RAPGEF2: variants seen among roughly 807,000 people sequenced by gnomAD.
RAPGEF2 encodes the protein PDZ domain containing guanine nucleotide exchange factor (GEF) 1.
A neutral mutation model predicts 186.7 loss-of-function variants in RAPGEF2; 54 were observed. The observed-to-expected ratio is 0.29, with a 90% CI of 0.23 to 0.36. The LOEUF is 0.36. RAPGEF2 is among the 10% of genes least tolerant of loss of function. The pLI is 1.00. For missense variants in RAPGEF2, 1,532 were observed against 2,045.0 expected, an observed-to-expected ratio of 0.75 and a Z score of 4.84; for synonymous variants, 712 against 705.9, an observed-to-expected ratio of 1.01 and a Z score of -0.14.
intron 1 of RAPGEF2, among the ~76,000 whole-genome samples, chr4:159,170,224 G>C (rs1052824881): frequency 1.3e-5 from 2 of 151,738 alleles, no homozygotes; most frequent in South Asian, 4.2e-4. Flanking sequence ...TGTCTATTCA[G>C]GTCCTTTTCC....
At chr4:159,347,091 A>C in intron 25 of RAPGEF2, 93 bp downstream of exon 25, 1 of 1,200,222 alleles carries the variant, frequency 8.3e-7, no homozygotes, top group Non-Finnish European at 1.2e-6. Context: ...AACTTTGTCT[A>C]ATATATTTGA....
intron 7 of RAPGEF2, among the ~76,000 whole-genome samples, chr4:159,300,454 ATATT>A (rs1269046897): frequency 2.0e-5 from 3 of 151,990 alleles, no homozygotes; most frequent in Admixed American, 6.5e-5. Context: ...ATTAAAATAA[ATATT>A]TAAGTGATAA....
intron 1 of RAPGEF2, among the ~76,000 whole-genome samples, chr4:159,140,728 G>A (rs76676004): frequency 0.021 from 3,124 of 151,860 alleles, 108 homozygotes; most frequent in African/African-American, 0.071. Context: ...GGGCCTGGGA[G>A]GACAGAATTT....
At chr4:159,125,712 T>C (rs1740218251) in intron 1 of RAPGEF2, among the ~76,000 whole-genome samples, 1 of 151,566 alleles carries the variant, frequency 6.6e-6, no homozygotes, top group Non-Finnish European at 1.5e-5. Flanking sequence ...GAGCTGAGAT[T>C]GCGGCACTGC....
intron 4 of RAPGEF2, among the ~76,000 whole-genome samples, chr4:159,232,492 TTGTG>T (rs1752757095): frequency 6.6e-6 from 1 of 152,196 alleles, no homozygotes; most frequent in South Asian, 2.1e-4. Context: ...TAATATTCCT[TTGTG>T]TGTGTATGCC....
chr4:159,228,803 A>G (rs1752310962), intron 4 of RAPGEF2, among the ~76,000 whole-genome samples: 1 of 152,200 alleles, frequency 6.6e-6, no homozygotes, highest in Non-Finnish European at 1.5e-5. Flanking sequence ...TTCTTAAACT[A>G]ATGAGTCAAC....
intron 24 of RAPGEF2, among the ~76,000 whole-genome samples, chr4:159,346,061 G>A (rs903081596): frequency 2.0e-5 from 3 of 152,182 alleles, no homozygotes; most frequent in African/African-American, 4.8e-5. Context: ...TCTGGAGTCA[G>A]AGTGGTCTGA....
intron 17 of RAPGEF2, among the ~76,000 whole-genome samples, chr4:159,333,517 A>G (rs1766985433): frequency 6.6e-6 from 1 of 152,220 alleles, no homozygotes; most frequent in Non-Finnish European, 1.5e-5. Context: ...AGCCAAGCAC[A>G]GAACTCCTTT....
At chr4:159,183,264 C>A (rs1374384384) in intron 1 of RAPGEF2, among the ~76,000 whole-genome samples, 1 of 152,082 alleles carries the variant, frequency 6.6e-6, no homozygotes, top group African/African-American at 2.4e-5. Flanking sequence ...AGAAAGAAAC[C>A]CTTTTATATG....
intron 1 of RAPGEF2, among the ~76,000 whole-genome samples, chr4:159,164,898 A>T (rs143028100): frequency 1.1e-3 from 166 of 152,300 alleles, no homozygotes; most frequent in African/African-American, 3.8e-3. Context: ...TGTTTTAAGA[A>T]AAATGAAGTT....
intron 1 of RAPGEF2, among the ~76,000 whole-genome samples, chr4:159,111,553 A>G (rs879256980): frequency 1.3e-5 from 2 of 152,228 alleles, no homozygotes; most frequent in South Asian, 2.1e-4. Context: ...GAAGAAAGGT[A>G]GAGAACACTG....
chr4:159,140,836 AAT>A (rs549770821), intron 1 of RAPGEF2, among the ~76,000 whole-genome samples: 6 of 151,236 alleles, frequency 4.0e-5, no homozygotes, highest in African/African-American at 7.3e-5. Flanking sequence ...AAAAAAAAAA[AAT>A]TTTTTTTTTT....
At chr4:159,175,334 T>C (rs182843997) in intron 1 of RAPGEF2, among the ~76,000 whole-genome samples, 97 of 152,316 alleles carry the variant, frequency 6.4e-4, no homozygotes, top group African/African-American at 2.2e-3. Flanking sequence ...CTATGGATTT[T>C]TTTTCTTACA....
intron 7 of RAPGEF2, among the ~76,000 whole-genome samples, chr4:159,291,452 C>T (rs1434648493): frequency 6.6e-6 from 1 of 152,074 alleles, no homozygotes. Flanking sequence ...TGTGTCATCA[C>T]ACCCGGCTAA....
chr4:159,244,365 T>G (rs1442918182), intron 7 of RAPGEF2, among the ~76,000 whole-genome samples: 1 of 151,946 alleles, frequency 6.6e-6, no homozygotes, highest in African/African-American at 2.4e-5. Flanking sequence ...GGTTTCTTGC[T>G]TTTATTTCAT....
At chr4:159,264,849 A>G (rs113759948) in intron 7 of RAPGEF2, among the ~76,000 whole-genome samples, 98 of 152,214 alleles carry the variant, frequency 6.4e-4, no homozygotes, top group East Asian at 2.5e-3. Context: ...AGAGCATTAT[A>G]TATTATTTGT....
chr4:159,189,292 A>G (rs1407366878), intron 2 of RAPGEF2, among the ~76,000 whole-genome samples: 1 of 152,196 alleles, frequency 6.6e-6, no homozygotes, highest in Non-Finnish European at 1.5e-5. Context: ...GCTTCCCTGC[A>G]TTGTTACAGA....
chr4:159,189,317 C>T (rs1747875165), intron 2 of RAPGEF2, among the ~76,000 whole-genome samples: 1 of 152,178 alleles, frequency 6.6e-6, no homozygotes, highest in East Asian at 1.9e-4. Flanking sequence ...TTAAAGTAGA[C>T]ATTACTGTGT....
Position 159,352,828 on chromosome 4 carries a change from T to A in RAPGEF2, c.4009T>A (p.Ser1337Thr). The change falls in exon 27 of 30, where the codon TCT becomes ACT. Residue 1337 changes from serine (S) to threonine (T), a missense_variant. By Grantham distance (58) the Ser-to-Thr change is moderately conservative. Around this residue, in one of 4 missense-constraint regions of RAPGEF2, gnomAD observed 594 missense variants for 608.5 expected, o/e 0.98. Transcript: ENST00000691494. ...GCACGATGAGAGGCGCCAGAGGCATTCTGTCAGCATCGTGGAAACAAACCT... is the reference window on the plus strand; with the variant it reads ...GCACGATGAGAGGCGCCAGAGGCATACTGTCAGCATCGTGGAAACAAACCT... ...SLHDERRQRH[S>T]VSIVETNLGM... The A allele has an allele frequency of 6.2e-7, 1 of 1,614,214 alleles. No homozygotes were observed.
Sources: gnomAD v4.1 joint callset for allele counts (sites outside exome capture counted in the v4.1 genomes callset) on GRCh38, gnomAD v4.1.1 for gene constraint, gnomAD v4.1.1 regional missense constraint, MANE v1.5 for transcripts, NCBI Gene and HGNC (gene_info 2026-07-23, HGNC 2026-07-21) for gene names.